LEO1: variants seen among roughly 807,000 people sequenced by gnomAD.
LEO1 encodes the protein RNA polymerase-associated protein LEO1.
In LEO1, 34 loss-of-function variants were observed where a neutral mutation model predicts 80.4. The ratio of observed to expected loss-of-function variants is 0.42; its 90% CI spans 0.32 to 0.56. The LOEUF is 0.56. Ranked by LOEUF, LEO1 falls within the 20% of genes least tolerant of loss-of-function variation. The probability of loss-of-function intolerance (pLI) is 0.10; values close to 1 mark genes in which losing one functional copy is unlikely to be tolerated. For synonymous variants in LEO1, 262 were observed against 274.9 expected, an observed-to-expected ratio of 0.95 and a Z score of 0.46; for missense variants, 631 against 814.2, an observed-to-expected ratio of 0.77 and a Z score of 2.74.
At chr15:51,953,987 G>A (rs1214530967) in intron 7 of LEO1, among the ~76,000 whole-genome samples, 2 of 150,518 alleles carry the variant, frequency 1.3e-5, no homozygotes, top group Non-Finnish European at 3.0e-5. Flanking sequence ...AGGCTGGAGT[G>A]CAGTGGCGCG....
At chr15:51,956,546 T>G (rs1184016290) in intron 6 of LEO1, among the ~76,000 whole-genome samples, 1 of 151,842 alleles carries the variant, frequency 6.6e-6, no homozygotes, top group African/African-American at 2.4e-5. Context: ...CATTGCTAGG[T>G]CTTAACCTAT....
intron 4 of LEO1, among the ~76,000 whole-genome samples, chr15:51,960,330 A>G (rs564068684): frequency 6.6e-6 from 1 of 152,222 alleles, no homozygotes; most frequent in Admixed American, 6.5e-5. Context: ...ATCAATTAAA[A>G]CCAGAGAAGA....
chr15:51,952,248 T>C (rs1367296907), intron 8 of LEO1: 5 of 266,988 alleles, frequency 1.9e-5, no homozygotes, highest in Non-Finnish European at 2.8e-5. Flanking sequence ...AAGCAATAAA[T>C]GGATACGCTC....
At chr15:51,938,944 G>C (rs972265012) in intron 11 of LEO1, among the ~76,000 whole-genome samples, 12 of 152,266 alleles carry the variant, frequency 7.9e-5, no homozygotes, top group African/African-American at 2.9e-4. Flanking sequence ...CAGCACTTTG[G>C]GAGGCCAAAG....
intron 11 of LEO1, among the ~76,000 whole-genome samples, chr15:51,942,772 A>G (rs1431961767): frequency 6.6e-6 from 1 of 152,040 alleles, no homozygotes; most frequent in African/African-American, 2.4e-5. Flanking sequence ...AAATACAAAA[A>G]TTAGCTGGGC....
intron 8 of LEO1, 87 bp from the exon 9 acceptor site, chr15:51,952,066 A>G: frequency 1.7e-6 from 2 of 1,204,638 alleles, no homozygotes; most frequent in Non-Finnish European, 2.3e-6. Flanking sequence ...GTAAGAGCCC[A>G]GTGACCATTT....
At chr15:51,968,071 T>C (rs1157582356) in intron 1 of LEO1, among the ~76,000 whole-genome samples, 2 of 151,772 alleles carry the variant, frequency 1.3e-5, no homozygotes, top group African/African-American at 2.4e-5. Flanking sequence ...GTGAGCCCAC[T>C]ACTTGGGAGG....
chr15:51,960,817 G>A (rs893810954), intron 3 of LEO1, 84 bp from the exon 4 acceptor site: 2 of 799,186 alleles, frequency 2.5e-6, no homozygotes, highest in Non-Finnish European at 4.3e-6. Context: ...ACATTCCCAA[G>A]GTTTCTGGAC....
chr15:51,960,510 A>C (rs1240172175), intron 4 of LEO1, 129 bp downstream of exon 4: 1 of 619,700 alleles, frequency 1.6e-6, no homozygotes, highest in Non-Finnish European at 2.9e-6. Flanking sequence ...TAATGAAGAA[A>C]GTCATCTGTT....
At chr15:51,948,151 G>A (rs975781497) in intron 10 of LEO1, among the ~76,000 whole-genome samples, 1 of 152,154 alleles carries the variant, frequency 6.6e-6, no homozygotes, top group African/African-American at 2.4e-5. Context: ...CACTGCCCAA[G>A]CCCAGGTGAA....
At chr15:51,950,256 C>T (rs953706999) in intron 9 of LEO1, among the ~76,000 whole-genome samples, 1 of 152,310 alleles carries the variant, frequency 6.6e-6, no homozygotes, top group East Asian at 1.9e-4. Flanking sequence ...TCCTCGGGAG[C>T]TGTGCTGGTG....
At chr15:51,954,663 A>G in intron 6 of LEO1, 88 bp from the exon 7 acceptor site, 1 of 841,316 alleles carries the variant, frequency 1.2e-6, no homozygotes, top group Non-Finnish European at 2.0e-6. Context: ...TAATCACAGA[A>G]TAAGCATACA....
At chr15:51,968,186 T>TA in intron 1 of LEO1, among the ~76,000 whole-genome samples, 1 of 151,724 alleles carries the variant, frequency 6.6e-6, no homozygotes, top group East Asian at 2.0e-4. Flanking sequence ...CCATCTCAAA[T>TA]AAATAAATAA....
At chr15:51,965,649 G>GA in intron 2 of LEO1, 100 bp downstream of exon 2, 1 of 1,474,364 alleles carries the variant, frequency 6.8e-7, no homozygotes, top group Non-Finnish European at 9.0e-7. Flanking sequence ...GGACAGAAGA[G>GA]AAAAAACAGG....
rs183510083 is a variant in LEO1 at position 51,938,471 on chromosome 15, A to C, written c.1897-211T>G. On this transcript the variant is annotated intron_variant, in intron 11 of 11. Transcript: ENST00000299601. ...CAGAGTAGGATGTGCAGGAAACTGG[A>C]GACAGGATTTGCCACAGAAGGGGCG... Among the ~76,000 whole-genome samples the C allele has an allele frequency of 1.4e-3, 215 of 152,348 alleles. 11 individuals are homozygous for C. Among genetic ancestry groups the C allele is most frequent in the East Asian group, 9.6e-3 (50 of 5,192 alleles).
At chr15:51,940,309 C>CCAGCACTT (rs2056839097) in intron 11 of LEO1, among the ~76,000 whole-genome samples, 1 of 148,144 alleles carries the variant, frequency 6.8e-6, no homozygotes, top group Admixed American at 6.8e-5. Context: ...GCCTGTAATC[C>CCAGCACTT]CAGCACTTTG....
Position 51,965,739 on chromosome 15 carries a change from A to C in LEO1, c.814+10T>G. ...TTTCTGAGCCATTCTGGTTCTCATA[A>C]ATGTATTACCTGATTTATGATCCTG... On this transcript the variant is annotated intron_variant, in intron 2 of 11. Coordinates refer to ENST00000299601, the MANE Select transcript of LEO1 (RefSeq NM_138792.4). 6.3e-7 allele frequency: 1 copy of C among 1,592,560 alleles called. No homozygotes were observed. Among genetic ancestry groups the C allele is most frequent in the Non-Finnish European group, 8.5e-7 (1 of 1,170,352 alleles).
At chr15:51,970,654 C>A (rs1217555378) in intron 1 of LEO1, among the ~76,000 whole-genome samples, 1 of 152,106 alleles carries the variant, frequency 6.6e-6, no homozygotes, top group African/African-American at 2.4e-5. Flanking sequence ...AGTACAGAAA[C>A]AATAGCAGAC....
chr15:51,966,818 G>A (rs1197626198), intron 1 of LEO1, among the ~76,000 whole-genome samples: 1 of 152,058 alleles, frequency 6.6e-6, no homozygotes, highest in African/African-American at 2.4e-5. Context: ...GGCTGAGACA[G>A]GAGAATCACT....
Sources: allele counts gnomAD v4.1 joint callset (sites outside exome capture counted in the v4.1 genomes callset), GRCh38; gene constraint gnomAD v4.1.1; transcripts MANE v1.5; gene names NCBI Gene and HGNC (gene_info 2026-07-23, HGNC 2026-07-21).